NYAP2: variants seen among roughly 807,000 people sequenced by gnomAD.
NYAP2 encodes the protein neuronal tyrosine-phosphorylated phosphoinositide-3-kinase adapter 2.
NYAP2 carries 23 observed loss-of-function variants against 50.4 expected under a neutral mutation model. The observed-to-expected ratio is 0.46, with a 90% CI of 0.33 to 0.65. NYAP2 has a LOEUF of 0.65. Among genes scored for constraint, NYAP2 ranks in the 30% least tolerant of loss-of-function variants. NYAP2 has a pLI of 0.02. For synonymous variants in NYAP2, 394 were observed against 365.2 expected (o/e 1.08, Z -0.90); for missense variants, 885 against 861.0 (o/e 1.03, Z -0.35).
At chr2:225,408,338 T>A (rs1694975417) in intron 2 of NYAP2, among the ~76,000 whole-genome samples, 1 of 152,056 alleles carries the variant, frequency 6.6e-6, no homozygotes. Context: ...AGAAATGTGT[T>A]TTTCTTTTAC....
chr2:225,621,127 A>G (rs967766482), intron 5 of NYAP2, among the ~76,000 whole-genome samples: 4 of 152,034 alleles, frequency 2.6e-5, no homozygotes, highest in Non-Finnish European at 5.9e-5. Context: ...AAAAAAAAAA[A>G]AAAAAATCTA....
chr2:225,566,602 T>G (rs1231019289), intron 4 of NYAP2, among the ~76,000 whole-genome samples: 5 of 152,270 alleles, frequency 3.3e-5, no homozygotes, highest in African/African-American at 1.2e-4. Flanking sequence ...ACTTTTGTGC[T>G]GTCACATTTC....
At chr2:225,469,974 A>G (rs763498359) in intron 3 of NYAP2, among the ~76,000 whole-genome samples, 15 of 152,200 alleles carry the variant, frequency 9.9e-5, no homozygotes, top group Non-Finnish European at 1.9e-4. Context: ...TGTTCTGCAC[A>G]TGTACCCCAG....
intron 3 of NYAP2, among the ~76,000 whole-genome samples, chr2:225,488,082 G>A (rs6436559): frequency 1.3e-5 from 2 of 151,902 alleles, no homozygotes; most frequent in Non-Finnish European, 2.9e-5. Flanking sequence ...CCATATCCAC[G>A]GATCATTATA....
At chr2:225,457,093 T>C (rs879612354) in intron 3 of NYAP2, among the ~76,000 whole-genome samples, 1 of 152,226 alleles carries the variant, frequency 6.6e-6, no homozygotes, top group East Asian at 1.9e-4. Flanking sequence ...CTTCCATTAT[T>C]GATTCATTGT....
chr2:225,548,101 A>G (rs1691615281), intron 4 of NYAP2, among the ~76,000 whole-genome samples: 1 of 152,150 alleles, frequency 6.6e-6, no homozygotes, highest in Admixed American at 6.5e-5. Flanking sequence ...ACCATTATAT[A>G]CCAACTTAAA....
chr2:225,676,239 GA>G, the NYAP2 span, among the ~76,000 whole-genome samples: 1 of 152,226 alleles, frequency 6.6e-6, no homozygotes. Flanking sequence ...CCTAGGTTGA[GA>G]AGGGTATTTC....
chr2:225,655,911 C>CACACACACACACACAT (rs1693815482), downstream of NYAP2, among the ~76,000 whole-genome samples: 14 of 146,622 alleles, frequency 9.5e-5, no homozygotes, highest in African/African-American at 3.3e-4. Flanking sequence ...CACACACACA[C>CACACACACACACACAT]ACACACACAC....
the NYAP2 span, among the ~76,000 whole-genome samples, chr2:225,688,097 G>A: frequency 6.6e-6 from 1 of 152,150 alleles, no homozygotes; most frequent in Non-Finnish European, 1.5e-5. Flanking sequence ...GGCTTAGGGA[G>A]CATTGATTTG....
intron 4 of NYAP2, among the ~76,000 whole-genome samples, chr2:225,524,427 G>C (rs185617578): frequency 6.6e-6 from 1 of 152,162 alleles, no homozygotes; most frequent in Non-Finnish European, 1.5e-5. Flanking sequence ...CAAGATTGAG[G>C]GTGAGTCTGC....
At chr2:225,532,490 G>A (rs1691275084) in intron 4 of NYAP2, among the ~76,000 whole-genome samples, 1 of 152,108 alleles carries the variant, frequency 6.6e-6, no homozygotes, top group Non-Finnish European at 1.5e-5. Flanking sequence ...ATTAAATTAA[G>A]TGGTCTACAT....
chr2:225,579,178 C>A (rs1236144384), intron 4 of NYAP2, among the ~76,000 whole-genome samples: 1 of 151,894 alleles, frequency 6.6e-6, no homozygotes, highest in Non-Finnish European at 1.5e-5. Context: ...CTCATGACCT[C>A]ATCCAAGCCT....
chr2:225,533,688 C>CA (rs557756613), intron 4 of NYAP2, among the ~76,000 whole-genome samples: 5,117 of 134,164 alleles, frequency 0.038, 291 homozygotes, highest in African/African-American at 0.13. Context: ...GACTCTGTCT[C>CA]AAAAAAAAAA....
intron 3 of NYAP2, among the ~76,000 whole-genome samples, chr2:225,512,707 CTT>C (rs1167804462): frequency 7.4e-6 from 1 of 135,426 alleles, no homozygotes; most frequent in African/African-American, 2.8e-5. Context: ...TTTGCTTTTT[CTT>C]TTTTCTTTTC....
intron 5 of NYAP2, among the ~76,000 whole-genome samples, chr2:225,593,607 A>C (rs1692549526): frequency 6.6e-6 from 1 of 152,186 alleles, no homozygotes; most frequent in Non-Finnish European, 1.5e-5. Context: ...ATTCCAATGC[A>C]TTGTGAAGAT....
At chr2:225,446,546 A>G (rs1307610856) in intron 3 of NYAP2, among the ~76,000 whole-genome samples, 2 of 152,120 alleles carry the variant, frequency 1.3e-5, no homozygotes, top group Non-Finnish European at 2.9e-5. Flanking sequence ...ATATGAAAAT[A>G]CAAAGTTATA....
At chr2:225,454,768 AG>A (rs1689710027) in intron 3 of NYAP2, among the ~76,000 whole-genome samples, 1 of 152,172 alleles carries the variant, frequency 6.6e-6, no homozygotes, top group African/African-American at 2.4e-5. Flanking sequence ...TTTCATCCCA[AG>A]ACCAAACCCC....
chr2:225,604,839 C>A (rs1480943998), intron 5 of NYAP2, among the ~76,000 whole-genome samples: 1 of 152,202 alleles, frequency 6.6e-6, no homozygotes, highest in Non-Finnish European at 1.5e-5. Flanking sequence ...ATGTACAGTA[C>A]TGATACATTC....
chr2:225,421,195 T>G (rs1377090550), intron 3 of NYAP2, among the ~76,000 whole-genome samples: 6 of 152,126 alleles, frequency 3.9e-5, no homozygotes, highest in African/African-American at 1.4e-4. Flanking sequence ...CAGGCATGAG[T>G]CACCACACCT....
Sources: allele counts gnomAD v4.1 joint callset (sites outside exome capture counted in the v4.1 genomes callset), GRCh38; gene constraint gnomAD v4.1.1; transcripts MANE v1.5; gene names NCBI Gene and HGNC (gene_info 2026-07-23, HGNC 2026-07-21).